TMED10: variants seen among roughly 807,000 people sequenced by gnomAD.
TMED10 encodes transmembrane p24 trafficking protein 10.
TMED10 carries 7 observed loss-of-function variants against 23.1 expected under a neutral mutation model. That is an observed-to-expected ratio of 0.30 (90% CI 0.17 to 0.57). TMED10 has a LOEUF of 0.57. Ranked by LOEUF, TMED10 falls within the 20% of genes least tolerant of loss-of-function variation. The pLI is 0.91. For missense variants in TMED10, 162 were observed against 274.8 expected (o/e 0.59, Z 2.90); for synonymous variants, 113 against 106.9 (o/e 1.06, Z -0.35).
chr14:75,164,532 AATATATATATATATATATATATATAT>A (rs368412262), intron 1 of TMED10, among the ~76,000 whole-genome samples: 1,473 of 54,412 alleles, frequency 0.027, 54 homozygotes, highest in Admixed American at 0.039. Flanking sequence ...CACCTGGCCT[AATATATATATATATATATATATATAT>A]ATATATATAT....
At chr14:75,164,399 T>C (rs376070776) in intron 1 of TMED10, among the ~76,000 whole-genome samples, 1 of 150,474 alleles carries the variant, frequency 6.6e-6, no homozygotes, top group East Asian at 1.9e-4. Context: ...GCCCGGCTAA[T>C]TTTTTATTTT....
chr14:75,153,457 A>T (rs1895979794), intron 1 of TMED10, among the ~76,000 whole-genome samples: 1 of 152,242 alleles, frequency 6.6e-6, no homozygotes, highest in Admixed American at 6.5e-5. Flanking sequence ...CTGCTAAGTA[A>T]ACAGCCACAT....
intron 1 of TMED10, among the ~76,000 whole-genome samples, chr14:75,154,926 G>A (rs961744444): frequency 6.7e-6 from 1 of 149,468 alleles, no homozygotes; most frequent in Non-Finnish European, 1.5e-5. Context: ...GCCTCTGAAA[G>A]TGCTGGGATT....
chr14:75,163,923 C>T (rs951692817), intron 1 of TMED10, among the ~76,000 whole-genome samples: 2 of 152,068 alleles, frequency 1.3e-5, no homozygotes, highest in Admixed American at 6.6e-5. Flanking sequence ...CCACGCCCAG[C>T]TACTGTGAAG....
intron 1 of TMED10, among the ~76,000 whole-genome samples, chr14:75,170,159 C>A (rs1896214541): frequency 6.6e-6 from 1 of 152,092 alleles, no homozygotes; most frequent in South Asian, 2.1e-4. Flanking sequence ...CCCCGGGGAG[C>A]AGAGCCTGCA....
chr14:75,154,346 G>A (rs1237817604), intron 1 of TMED10, among the ~76,000 whole-genome samples: 1 of 124,300 alleles, frequency 8.0e-6, no homozygotes, highest in African/African-American at 3.0e-5. Flanking sequence ...AAGTTGCGGT[G>A]AGCCGAGACT....
chr14:75,147,632 C>T (rs1216937901), intron 3 of TMED10, 32 bp downstream of exon 3: 1 of 1,610,472 alleles, frequency 6.2e-7, no homozygotes, highest in South Asian at 1.1e-5. Context: ...TAGCACACTG[C>T]TGCCTCCTCT....
chr14:75,169,190 C>T (rs1896199473), intron 1 of TMED10, among the ~76,000 whole-genome samples: 1 of 152,198 alleles, frequency 6.6e-6, no homozygotes, highest in Admixed American at 6.5e-5. Context: ...TGAATGAAAC[C>T]TAGTCTCTGT....
intron 1 of TMED10, among the ~76,000 whole-genome samples, chr14:75,170,190 C>T (rs1323114856): frequency 6.6e-6 from 1 of 152,010 alleles, no homozygotes; most frequent in African/African-American, 2.4e-5. Context: ...ATTGCACCAC[C>T]GCACTGCAGC....
chr14:75,147,833 C>A (rs1895907891), intron 2 of TMED10, 96 bp from the exon 3 acceptor site: 11 of 1,185,726 alleles, frequency 9.3e-6, no homozygotes, highest in Non-Finnish European at 1.2e-5. Flanking sequence ...GAACCCCTAC[C>A]CTCTCAATAG....
At chr14:75,141,287 G>A (rs543603104) in intron 3 of TMED10, among the ~76,000 whole-genome samples, 5 of 152,302 alleles carry the variant, frequency 3.3e-5, no homozygotes, top group East Asian at 3.9e-4. Context: ...GGAGTAAAGT[G>A]CAGGCATGTT....
chr14:75,174,034 A>C (rs1303751316), intron 1 of TMED10, among the ~76,000 whole-genome samples: 1 of 152,114 alleles, frequency 6.6e-6, no homozygotes, highest in East Asian at 1.9e-4. Context: ...CCCGGCCTAA[A>C]GTCCTGCTGT....
chr14:75,153,960 C>G (rs1350073246), intron 1 of TMED10, among the ~76,000 whole-genome samples: 1 of 151,282 alleles, frequency 6.6e-6, no homozygotes, highest in East Asian at 2.0e-4. Context: ...TTAGTAAAGA[C>G]AGGGTTTCCC....
rs959458834 is a variant in TMED10 at position 75,133,624 on chromosome 14, C to G, written c.*1261G>C. ...TTTCTTACAAAAATATATGTGTTTACCATACAACCCAACAGTTGCCCTTTT... is the reference window on the plus strand; with the variant it reads ...TTTCTTACAAAAATATATGTGTTTAGCATACAACCCAACAGTTGCCCTTTT... On this transcript the variant is annotated 3_prime_UTR_variant, in exon 5 of 5. Transcript: ENST00000303575. 6.5e-6 allele frequency: 1 copy of G among 153,702 alleles called. No individual in the cohort carries two copies. Among genetic ancestry groups the G allele is most frequent in the African/African-American group, 2.4e-5 (1 of 41,442 alleles). The allele number at this position is 153,702 out of a possible 1,614,324, so 9.5% of individuals were successfully genotyped here.
intron 3 of TMED10, among the ~76,000 whole-genome samples, chr14:75,137,511 A>G (rs529359839): frequency 1.3e-5 from 2 of 148,522 alleles, no homozygotes; most frequent in African/African-American, 4.9e-5. Context: ...TCTCTACTAA[A>G]AATAAAAAAA....
intron 1 of TMED10, among the ~76,000 whole-genome samples, chr14:75,172,678 C>T (rs1473441824): frequency 1.3e-5 from 2 of 152,064 alleles, no homozygotes; most frequent in Non-Finnish European, 2.9e-5. Context: ...GAGATGCATG[C>T]TGAAGTAGGC....
At chr14:75,139,141 C>T in intron 3 of TMED10, 1 of 453,302 alleles carries the variant, frequency 2.2e-6, no homozygotes, top group Non-Finnish European at 4.4e-6. Flanking sequence ...GATGTATTAT[C>T]TTTCCACACC....
At chr14:75,145,680 G>A (rs1430438858) in intron 3 of TMED10, among the ~76,000 whole-genome samples, 4 of 152,190 alleles carry the variant, frequency 2.6e-5, no homozygotes, top group Admixed American at 2.0e-4. Context: ...CCAGCTACTC[G>A]GGAGGCTGAG....
In TMED10 at chr14:75,152,155, A is replaced by G; in HGVS notation, c.226-12T>C. The G allele has an allele frequency of 6.2e-7, 1 of 1,607,428 alleles. No homozygotes were observed. The highest frequency in any genetic ancestry group is 1.7e-4 in the Middle Eastern group (1 of 6,050). On this transcript the variant is annotated splice_polypyrimidine_tract_variant and intron_variant, in intron 1 of 4. Transcript: ENST00000303575. ...GCAGAATCTGTGATCTAAAATAAGA[A>G]AAGTAGTAAGAATAGGCAGCAAATA... is the stretch of plus-strand genomic sequence containing the variant.
Sources: gnomAD v4.1 joint callset for allele counts (sites outside exome capture counted in the v4.1 genomes callset) on GRCh38, gnomAD v4.1.1 for gene constraint, MANE v1.5 for transcripts, NCBI Gene and HGNC (gene_info 2026-07-23, HGNC 2026-07-21) for gene names.